The following USP6 variants were observed in gnomAD, a reference collection of about 807,000 sequenced individuals.
USP6 encodes the protein ubiquitin specific peptidase 6, also known as ubiquitin carboxyl-terminal hydrolase 6.
In USP6, 128 loss-of-function variants were observed where a neutral mutation model predicts 175.7. The ratio of observed to expected loss-of-function variants is 0.73; its 90% CI spans 0.63 to 0.84. The LOEUF is 0.84. USP6 is among the 40% of genes least tolerant of loss of function. The pLI, the probability that USP6 is intolerant of heterozygous loss-of-function variation, is 0.00. For synonymous variants in USP6, 562 were observed against 630.6 expected (o/e 0.89, Z 1.63); for missense variants, 1,498 against 1,760.3 (o/e 0.85, Z 2.67).
At chr17:5,160,758 G>A (rs2073989866) in intron 31 of USP6, among the ~76,000 whole-genome samples, 2 of 152,194 alleles carry the variant, frequency 1.3e-5, no homozygotes, top group South Asian at 2.1e-4. Flanking sequence ...TGGGATTGCT[G>A]GGTCAAATGG....
At chr17:5,171,034 T>C (rs1470491955) in intron 36 of USP6, 119 bp downstream of exon 36, 3 of 1,255,094 alleles carry the variant, frequency 2.4e-6, no homozygotes, top group South Asian at 1.5e-5. Flanking sequence ...AGCTTAGTGA[T>C]AGACAAAGTT....
rs1393022645 is a variant in USP6 at position 5,173,741 on chromosome 17, A to G, written c.*763A>G. 3 of 218,430 alleles carry G rather than the reference A, an allele frequency of 1.4e-5. No homozygotes were observed. Among genetic ancestry groups the G allele is most frequent in the African/African-American group, 2.2e-5 (1 of 44,450 alleles). 13.5% of individuals were successfully genotyped at this position (218,430 alleles called of 1,614,324 possible). A position where few individuals can be genotyped will look rare whatever the true frequency, so the allele number is the denominator to read the frequency against. Reference sequence around the variant, plus strand: ...AGGCATCTTACATTTAGGCTACTTCAAGTATCCTCAGAAATGTATTCTGCA... The same window carrying G: ...AGGCATCTTACATTTAGGCTACTTCGAGTATCCTCAGAAATGTATTCTGCA... On this transcript the variant is annotated 3_prime_UTR_variant, in exon 38 of 38. Coordinates refer to ENST00000574788, the MANE Select transcript of USP6 (RefSeq NM_001304284.2).
At position 5,172,956 on chromosome 17, in the gene USP6, A is replaced by G; in HGVS notation, c.4199A>G (p.Glu1400Gly). ...GATGAAGACTCTGAGTCTGATTACG[A>G]AAAGTACTCTATGTTACAGTAAAGC... ...STDEDSESDY[E>G]KYSMLQ Residue 1400 changes from glutamate (E) to glycine (G), a missense_variant, in exon 38 of 38, where the codon GAA becomes GGA. This residue lies in a region of USP6 where 1,217 missense variants were observed against 1,500.8 expected (regional missense o/e 0.81). Coordinates refer to ENST00000574788, the MANE Select transcript of USP6 (RefSeq NM_001304284.2). The G allele has an allele frequency of 1.2e-6, 2 of 1,614,010 alleles. No individual in the cohort carries two copies. The highest frequency in any genetic ancestry group is 1.7e-6 in the Non-Finnish European group (2 of 1,179,862).
At chr17:5,141,617 C>A in intron 23 of USP6, 118 bp downstream of exon 23, 1 of 862,262 alleles carries the variant, frequency 1.2e-6, no homozygotes, top group East Asian at 3.1e-5. Context: ...TAGGGCCCTT[C>A]TTTTTCTTTT....
At chr17:5,123,814 C>T (rs1228589258) in intron 4 of USP6, among the ~76,000 whole-genome samples, 3 of 152,174 alleles carry the variant, frequency 2.0e-5, no homozygotes, top group African/African-American at 7.2e-5. Context: ...CACACACACA[C>T]ACACAAACAT....
Position 5,168,254 on chromosome 17 carries a change from C to A in USP6, c.3228+131C>A, listed in dbSNP as rs1240193313. 1.0e-5 allele frequency: 12 copies of A among 1,160,240 alleles called. No individual in the cohort carries two copies. The East Asian group carries it at 1.5e-4, about 14-fold the overall frequency. 71.9% of individuals were successfully genotyped at this position (1,160,240 alleles called of 1,614,324 possible). A position where few individuals can be genotyped will look rare whatever the true frequency, so the allele number is the denominator to read the frequency against. The stretch of plus-strand genomic sequence containing the variant: ...AGCAGTGTTTAAAACACATTCTGTA[C>A]AAGGTTTTTATGTTGAATACAGAGA... On this transcript the variant is annotated intron_variant, in intron 34 of 37. Transcript: ENST00000574788.
At chr17:5,158,298 G>A (rs987073789) in intron 31 of USP6, among the ~76,000 whole-genome samples, 1 of 152,142 alleles carries the variant, frequency 6.6e-6, no homozygotes, top group Non-Finnish European at 1.5e-5. Flanking sequence ...TGGGTGCAGT[G>A]GCTCATGCCT....
intron 4 of USP6, among the ~76,000 whole-genome samples, chr17:5,122,200 CAGCAGGACTGGATG>C (rs1463584863): frequency 6.6e-6 from 1 of 151,966 alleles, no homozygotes; most frequent in Non-Finnish European, 1.5e-5. Flanking sequence ...TAGCTCAAAA[CAGCAGGACTGGATG>C]CCTGGATCTC....
At chr17:5,138,350 A>C in intron 21 of USP6, 77 bp downstream of exon 21, 6 of 1,599,612 alleles carry the variant, frequency 3.8e-6, no homozygotes, top group Non-Finnish European at 5.1e-6. Context: ...CGGACCAGCA[A>C]CCCTACTACC....
At chr17:5,137,813 G>A (rs2073306982) in intron 20 of USP6, 63 bp downstream of exon 20, 1 of 1,597,828 alleles carries the variant, frequency 6.3e-7, no homozygotes, top group Admixed American at 1.7e-5. Flanking sequence ...ACTGGCCCAA[G>A]GGCAGCTTCC....
In USP6 at chr17:5,148,662, A is replaced by C. The variant is rs1209919020; in HGVS notation, c.2538A>C (p.Pro846=). 6.2e-7 allele frequency: 1 copy of C among 1,613,860 alleles called. No homozygotes were observed. Among genetic ancestry groups the C allele is most frequent in the Non-Finnish European group, 8.5e-7 (1 of 1,179,874 alleles). The part of the protein sequence containing the change: ...IPNGMPNTVV[P]CGTEKNFTNG... ...ATGGAATGCCAAACACTGTTGTGCC[A>C]TGTGGAACTGAGAAGAACTTCACAA... Residue 846 remains proline, a synonymous_variant, in exon 30 of 38, where the codon CCA becomes CCC. Coordinates refer to ENST00000574788, the MANE Select transcript of USP6 (RefSeq NM_001304284.2).
rs770880329 is a variant in USP6, at chr17:5,139,448, G to A, written c.1272G>A (p.Thr424=). 2.0e-5 allele frequency: 33 copies of A among 1,612,978 alleles called. No homozygotes were observed. Among genetic ancestry groups the A allele is most frequent in the Middle Eastern group, 1.9e-4 (1 of 5,352 alleles). Residue 424 remains threonine (T), a synonymous_variant, in exon 22 of 38, where the codon ACG becomes ACA. Coordinates refer to ENST00000574788, the MANE Select transcript of USP6 (RefSeq NM_001304284.2). The part of the protein sequence containing the change: ...PCPGGAVRED[T]YPVGTQGVPS... ...CTGGTGGGGCTGTCCGGGAAGACACGTACCCTGTGGGCACTCAGGGTGTGC... is the reference window on the plus strand; with the variant it reads ...CTGGTGGGGCTGTCCGGGAAGACACATACCCTGTGGGCACTCAGGGTGTGC...
intron 4 of USP6, among the ~76,000 whole-genome samples, chr17:5,123,901 G>A (rs1042047448): frequency 3.4e-5 from 4 of 118,474 alleles, no homozygotes; most frequent in East Asian, 2.4e-4. Context: ...AAGCACGCAC[G>A]TGCGCACACA....
chr17:5,166,079 C>T (rs1050456098), intron 33 of USP6, among the ~76,000 whole-genome samples: 7 of 152,150 alleles, frequency 4.6e-5, no homozygotes, highest in African/African-American at 1.4e-4. Flanking sequence ...ATGATACACC[C>T]CTTTTTCTAC....
chr17:5,136,537 GC>G (rs2143892720), intron 17 of USP6, 102 bp from the exon 18 acceptor site: 1 of 1,413,980 alleles, frequency 7.1e-7, no homozygotes, highest in African/African-American at 1.4e-5. Flanking sequence ...AGGGCGGGAG[GC>G]CTTGGGGTTT....
At chr17:5,155,017 T>C (rs1453281471) in intron 30 of USP6, among the ~76,000 whole-genome samples, 1 of 152,232 alleles carries the variant, frequency 6.6e-6, no homozygotes, top group Admixed American at 6.5e-5. Flanking sequence ...ATTACAGGCG[T>C]GAGCTACCAC....
intron 30 of USP6, among the ~76,000 whole-genome samples, chr17:5,150,498 C>CT (rs780429877): frequency 0.012 from 1,699 of 137,300 alleles, 32 homozygotes; most frequent in African/African-American, 0.034. Flanking sequence ...AGAAATATAT[C>CT]TTTTTTTTTT....
At chr17:5,158,342 G>A (rs140520289) in intron 31 of USP6, among the ~76,000 whole-genome samples, 17 of 152,220 alleles carry the variant, frequency 1.1e-4, no homozygotes, top group African/African-American at 4.1e-4. Flanking sequence ...CGAGGTGGGA[G>A]GATCACTTGA....
intron 8 of USP6, chr17:5,129,372 C>T (rs533622918): frequency 6.6e-6 from 1 of 152,562 alleles, no homozygotes; most frequent in East Asian, 1.9e-4. Context: ...CCTCAGAACA[C>T]ACCTGGGGCC....
Sources: gnomAD v4.1 joint callset for allele counts (sites outside exome capture counted in the v4.1 genomes callset) on GRCh38, gnomAD v4.1.1 for gene constraint, gnomAD v4.1.1 regional missense constraint, MANE v1.5 for transcripts, NCBI Gene and HGNC (gene_info 2026-07-23, HGNC 2026-07-21) for gene names.